The following SEMA5A variants were observed in gnomAD, a reference collection of about 807,000 sequenced individuals.
SEMA5A encodes semaphorin-5A.
SEMA5A carries 55 observed loss-of-function variants against 135.5 expected under a neutral mutation model. The observed-to-expected ratio is 0.41, with a 90% CI of 0.33 to 0.51. The LOEUF (loss-of-function observed/expected upper bound fraction) is 0.51, where lower values mean the gene tolerates loss of function less well. Among genes scored for constraint, SEMA5A ranks in the 20% least tolerant of loss-of-function variants. SEMA5A has a pLI of 0.37. For synonymous variants in SEMA5A, 580 were observed against 546.5 expected (o/e 1.06, Z -0.85); for missense variants, 1,290 against 1,419.9 (o/e 0.91, Z 1.47).
intron 16 of SEMA5A, among the ~76,000 whole-genome samples, chr5:9,098,415 T>C (rs933144574): frequency 2.0e-5 from 3 of 152,214 alleles, no homozygotes; most frequent in Non-Finnish European, 4.4e-5. Context: ...GAACATTTAA[T>C]TGACTAAAAA....
intron 2 of SEMA5A, among the ~76,000 whole-genome samples, chr5:9,429,417 G>T (rs57785705): frequency 0.041 from 6,246 of 152,322 alleles, 159 homozygotes; most frequent in African/African-American, 0.062. Context: ...GAATGGAGCA[G>T]TGAGTGAACA....
At chr5:9,098,403 G>C (rs1160762954) in intron 16 of SEMA5A, among the ~76,000 whole-genome samples, 1 of 152,122 alleles carries the variant, frequency 6.6e-6, no homozygotes, top group Non-Finnish European at 1.5e-5. Flanking sequence ...CCAATTTGAA[G>C]GGAACATTTA....
At chr5:9,529,896 C>T (rs1737347119) in intron 1 of SEMA5A, among the ~76,000 whole-genome samples, 1 of 152,152 alleles carries the variant, frequency 6.6e-6, no homozygotes, top group African/African-American at 2.4e-5. Flanking sequence ...TTTCATCTTC[C>T]CTTGTATCAT....
chr5:9,110,068 G>C (rs1740158389), intron 15 of SEMA5A, among the ~76,000 whole-genome samples: 1 of 152,182 alleles, frequency 6.6e-6, no homozygotes, highest in African/African-American at 2.4e-5. Context: ...CTGAACCCCT[G>C]TCAGCATTTT....
intron 2 of SEMA5A, among the ~76,000 whole-genome samples, chr5:9,425,535 G>C (rs998810837): frequency 2.0e-5 from 3 of 152,192 alleles, no homozygotes; most frequent in African/African-American, 7.2e-5. Context: ...CTAGCCCTTG[G>C]TGACCCCATG....
At chr5:9,242,130 T>C (rs1301672656) in intron 5 of SEMA5A, among the ~76,000 whole-genome samples, 1 of 152,176 alleles carries the variant, frequency 6.6e-6, no homozygotes, top group Non-Finnish European at 1.5e-5. Context: ...TATAAACAAA[T>C]CGTCAGGGTA....
At chr5:9,388,279 C>G (rs1487522563) in intron 2 of SEMA5A, among the ~76,000 whole-genome samples, 1 of 152,116 alleles carries the variant, frequency 6.6e-6, no homozygotes, top group African/African-American at 2.4e-5. Flanking sequence ...TGTTATTATA[C>G]TTTTGTCTTC....
rs1004466414 is a variant in SEMA5A, at chr5:9,243,235, C to T, written c.271-5345G>A. Among the ~76,000 whole-genome samples, 3 of 152,188 alleles carry T rather than the reference C, an allele frequency of 2.0e-5. No individual in the cohort carries two copies. In the South Asian group the frequency reaches 6.2e-4, roughly 31 times the overall value. On this transcript the variant is annotated intron_variant, in intron 5 of 22. Coordinates refer to ENST00000382496, the MANE Select transcript of SEMA5A (RefSeq NM_003966.3). ...GGGACAATCTGTCTGGGCCCCTCTCCCAGCCCCTGGGGTCTGCCGCTGACC... is the reference window on the plus strand; with the variant it reads ...GGGACAATCTGTCTGGGCCCCTCTCTCAGCCCCTGGGGTCTGCCGCTGACC...
intron 13 of SEMA5A, among the ~76,000 whole-genome samples, chr5:9,125,955 A>G (rs1380194976): frequency 2.0e-5 from 3 of 152,242 alleles, no homozygotes; most frequent in South Asian, 2.1e-4. Context: ...CGTAGTTCCT[A>G]TGCTTACACA....
chr5:9,154,125 ATG>A (rs201787474), intron 12 of SEMA5A, among the ~76,000 whole-genome samples: 1 of 126,556 alleles, frequency 7.9e-6, no homozygotes, highest in African/African-American at 2.9e-5. Context: ...GTATGTATGT[ATG>A]TGTGTGTGTG....
At chr5:9,429,859 C>T (rs937650894) in intron 2 of SEMA5A, among the ~76,000 whole-genome samples, 5 of 152,120 alleles carry the variant, frequency 3.3e-5, no homozygotes, top group Admixed American at 2.6e-4. Context: ...TGGTGCCTGG[C>T]GCACCAAGGG....
At chr5:9,337,680 A>C in intron 4 of SEMA5A, 33 bp downstream of exon 4, 1 of 1,489,382 alleles carries the variant, frequency 6.7e-7, no homozygotes, top group Middle Eastern at 1.7e-4. Flanking sequence ...AAGTCCAAAA[A>C]TATCTGTGGT....
intron 1 of SEMA5A, among the ~76,000 whole-genome samples, chr5:9,526,441 T>C (rs924585107): frequency 1.3e-5 from 2 of 152,194 alleles, no homozygotes; most frequent in African/African-American, 4.8e-5. Context: ...TCAAAACTAA[T>C]TCACAGGTAC....
At chr5:9,311,488 C>T (rs1752130111) in intron 5 of SEMA5A, among the ~76,000 whole-genome samples, 1 of 148,492 alleles carries the variant, frequency 6.7e-6, no homozygotes, top group Admixed American at 6.9e-5. Context: ...TAAACTATCG[C>T]AAGGACAAAA....
At chr5:9,212,907 A>T (rs1746415496) in intron 8 of SEMA5A, among the ~76,000 whole-genome samples, 1 of 152,222 alleles carries the variant, frequency 6.6e-6, no homozygotes, top group Non-Finnish European at 1.5e-5. Flanking sequence ...GCTGTAACAA[A>T]AAATACCATA....
At chr5:9,380,117 C>T (rs769889624) in intron 2 of SEMA5A, 94 bp from the exon 3 acceptor site, 44 of 799,252 alleles carry the variant, frequency 5.5e-5, no homozygotes, top group Non-Finnish European at 8.2e-5. Context: ...TTTAAGGTTA[C>T]ACTTTGTGGA....
At chr5:9,450,187 G>C (rs1347583060) in intron 1 of SEMA5A, among the ~76,000 whole-genome samples, 1 of 152,312 alleles carries the variant, frequency 6.6e-6, no homozygotes, top group Non-Finnish European at 1.5e-5. Flanking sequence ...CTCAGCCTCA[G>C]AGACATTTCC....
At position 9,316,426 on chromosome 5, in the gene SEMA5A, G is replaced by C. The variant is rs143650815; in HGVS notation, c.270+1946C>G. ...ATACTTCTAAACCCTCTCAGCTGACGGAGCTAGCAAATTTAAAAAGAAATG... is the reference window on the plus strand; with the variant it reads ...ATACTTCTAAACCCTCTCAGCTGACCGAGCTAGCAAATTTAAAAAGAAATG... On this transcript the variant is annotated intron_variant, in intron 5 of 22. Transcript: ENST00000382496. 2.0e-5 allele frequency among the ~76,000 whole-genome samples: 3 copies of C among 152,196 alleles called. No individual in the cohort carries two copies. In the South Asian group the frequency reaches 6.2e-4, roughly 32 times the overall value.
At chr5:9,175,966 C>G (rs1167917052) in intron 11 of SEMA5A, among the ~76,000 whole-genome samples, 2 of 152,198 alleles carry the variant, frequency 1.3e-5, no homozygotes. Flanking sequence ...TCATTCCCAA[C>G]CCCTGGTGTT....
Sources: gnomAD v4.1 joint callset for allele counts (sites outside exome capture counted in the v4.1 genomes callset) on GRCh38, gnomAD v4.1.1 for gene constraint, MANE v1.5 for transcripts, NCBI Gene and HGNC (gene_info 2026-07-23, HGNC 2026-07-21) for gene names.